SPATA17: variants seen among roughly 807,000 people sequenced by gnomAD.
SPATA17 encodes the protein spermatogenesis-associated protein 17.
In SPATA17, 53 loss-of-function variants were observed where a neutral mutation model predicts 62.2. The observed-to-expected ratio is 0.85, with a 90% CI of 0.68 to 1.07. SPATA17 has a LOEUF of 1.07. Among genes scored for constraint, SPATA17 ranks in the 50% least tolerant of loss-of-function variants. The probability of loss-of-function intolerance (pLI) is 0.00; values close to 1 mark genes in which losing one functional copy is unlikely to be tolerated. For synonymous variants in SPATA17, 146 were observed against 146.8 expected, an observed-to-expected ratio of 0.99 and a Z score of 0.04; for missense variants, 466 against 425.5, an observed-to-expected ratio of 1.10 and a Z score of -0.84.
chr1:217,709,931 A>G (rs1671819295), intron 5 of SPATA17, among the ~76,000 whole-genome samples: 1 of 152,188 alleles, frequency 6.6e-6, no homozygotes, highest in Admixed American at 6.5e-5. Context: ...TTTATGTCTG[A>G]GTTTCAAAGA....
intron 6 of SPATA17, among the ~76,000 whole-genome samples, chr1:217,748,128 C>T (rs1204215805): frequency 1.3e-5 from 2 of 151,544 alleles, no homozygotes; most frequent in African/African-American, 4.8e-5. Flanking sequence ...ACAGTGAAAC[C>T]CCGTCTCTAC....
At chr1:217,674,535 A>G (rs2102900271) in intron 4 of SPATA17, among the ~76,000 whole-genome samples, 1 of 152,310 alleles carries the variant, frequency 6.6e-6, no homozygotes, top group East Asian at 1.9e-4. Flanking sequence ...CTGGCCAGCC[A>G]TTCTCAACAC....
In SPATA17 at chr1:217,821,904, G is replaced by T. The variant is rs1571827715; in HGVS notation, c.1005+20054G>T. Among the ~76,000 whole-genome samples the T allele has an allele frequency of 3.3e-5, 5 of 152,184 alleles. No homozygotes were observed. In the South Asian group the frequency reaches 1.0e-3, roughly 32 times the overall value. ...GAGTTCCTAGAAATGGGAATAACAG[G>T]TTAAATGAGTGGCTCTCTACAAGGG... On this transcript the variant is annotated intron_variant, in intron 9 of 10. Transcript: ENST00000366933.
intron 6 of SPATA17, among the ~76,000 whole-genome samples, chr1:217,771,073 C>T (rs1673433926): frequency 7.3e-6 from 1 of 136,278 alleles, no homozygotes; most frequent in Non-Finnish European, 1.5e-5. Context: ...TCATTTGCCA[C>T]ATTCACCACT....
rs866071595 is a variant in SPATA17, at chr1:217,690,646, C to G, written c.395+7285C>G. 4.9e-5 allele frequency among the ~76,000 whole-genome samples: 5 copies of G among 101,076 alleles called. No individual in the cohort carries two copies. The East Asian group carries it at 1.4e-3, about 29-fold the overall frequency. The allele number at this position is 101,076 out of a possible 152,430, so 66.3% of individuals were successfully genotyped here. ...CAATGCTATCCCTCCCCCCTCCCCC[C>G]ACCCCACCACAGTCCCCAGAGTGTG... On this transcript the variant is annotated intron_variant, in intron 5 of 10. Coordinates refer to ENST00000366933, the MANE Select transcript of SPATA17 (RefSeq NM_138796.4).
chr1:217,786,750 T>TTCTTCTTCTTCTTCTTCTTCTTCTTC (rs1553252152), intron 8 of SPATA17, among the ~76,000 whole-genome samples: 3 of 107,436 alleles, frequency 2.8e-5, no homozygotes, highest in Non-Finnish European at 3.8e-5. Flanking sequence ...TGATATTCTC[T>TTCTTCTTCTTCTTCTTCTTCTTCTTC]TTCTTCTTCT....
chr1:217,648,855 A>G, intron 1 of SPATA17, 27 bp from the exon 2 acceptor site: 4 of 1,461,416 alleles, frequency 2.7e-6, no homozygotes, highest in Non-Finnish European at 3.8e-6. Flanking sequence ...GTTACTAATG[A>G]AGTGCTTTTT....
chr1:217,723,299 C>T (rs1456645790), intron 5 of SPATA17, among the ~76,000 whole-genome samples: 2 of 152,132 alleles, frequency 1.3e-5, no homozygotes, highest in African/African-American at 4.8e-5. Context: ...ACCATGAATA[C>T]ATGTGTTGGG....
chr1:217,644,305 G>T (rs1206795613), intron 1 of SPATA17, among the ~76,000 whole-genome samples: 1 of 152,152 alleles, frequency 6.6e-6, no homozygotes, highest in East Asian at 1.9e-4. Context: ...GCACATGAGT[G>T]ATAATCAGAA....
At chr1:217,754,041 G>T (rs564717255) in intron 6 of SPATA17, among the ~76,000 whole-genome samples, 2 of 152,168 alleles carry the variant, frequency 1.3e-5, no homozygotes, top group Non-Finnish European at 2.9e-5. Flanking sequence ...TTCAAGACCT[G>T]CCTGGGCAAC....
At chr1:217,685,189 T>C (rs918490859) in intron 5 of SPATA17, among the ~76,000 whole-genome samples, 8 of 152,090 alleles carry the variant, frequency 5.3e-5, no homozygotes, top group Non-Finnish European at 1.2e-4. Flanking sequence ...ACTCTCAGGG[T>C]CACACGATTA....
intron 5 of SPATA17, among the ~76,000 whole-genome samples, chr1:217,735,962 G>A (rs1464490026): frequency 1.3e-5 from 2 of 151,092 alleles, no homozygotes. Flanking sequence ...ATATTTATTA[G>A]GATTATGAGT....
intron 6 of SPATA17, among the ~76,000 whole-genome samples, chr1:217,748,366 AAC>A (rs1272907310): frequency 6.6e-6 from 1 of 152,068 alleles, no homozygotes; most frequent in Non-Finnish European, 1.5e-5. Flanking sequence ...TGATATGAAA[AAC>A]AGTTTTATAA....
At position 217,819,816 on chromosome 1, in the gene SPATA17, G is replaced by A. The variant is rs748351804; in HGVS notation, c.1005+17966G>A. On this transcript the variant is annotated intron_variant, in intron 9 of 10. Coordinates refer to ENST00000366933, the MANE Select transcript of SPATA17 (RefSeq NM_138796.4). ...AATATTATGATGTATGGAGAGATTT[G>A]GATTTAGGCAGCTTCCATTTTCTTA... Among the ~76,000 whole-genome samples the A allele has an allele frequency of 2.6e-5, 4 of 151,814 alleles. No homozygotes were observed. The East Asian group carries it at 7.7e-4, about 29-fold the overall frequency.
At chr1:217,797,992 C>T (rs1311729683) in intron 8 of SPATA17, among the ~76,000 whole-genome samples, 1 of 152,136 alleles carries the variant, frequency 6.6e-6, no homozygotes, top group Non-Finnish European at 1.5e-5. Context: ...CCTGTCCTTC[C>T]AGTGTTGTTA....
At chr1:217,662,268 T>G (rs1411960717) in intron 3 of SPATA17, among the ~76,000 whole-genome samples, 2 of 152,146 alleles carry the variant, frequency 1.3e-5, no homozygotes, top group African/African-American at 2.4e-5. Context: ...ATAATTAGTT[T>G]GATATGAGGT....
chr1:217,852,843 A>G (rs1379533011), intron 9 of SPATA17, among the ~76,000 whole-genome samples: 2 of 152,270 alleles, frequency 1.3e-5, no homozygotes, highest in South Asian at 2.1e-4. Flanking sequence ...TCCTCAAATG[A>G]TACCTCAGAG....
At position 217,720,071 on chromosome 1, in the gene SPATA17, A is replaced by G. The variant is rs77876003; in HGVS notation, c.396-21904A>G. Among the ~76,000 whole-genome samples the G allele has an allele frequency of 8.2e-3, 1,242 of 152,360 alleles. 10 individuals carry two copies. Among genetic ancestry groups the G allele is most frequent in the African/African-American group, 0.027 (1,113 of 41,578 alleles). ...AGCCAAGCCACTGAAGAAAGAAAGC[A>G]GACAATTGGAACCGGAGGAGGGAAG... On this transcript the variant is annotated intron_variant, in intron 5 of 10. Transcript: ENST00000366933.
At chr1:217,658,744 C>A (rs373631039) in intron 3 of SPATA17, among the ~76,000 whole-genome samples, 1 of 151,900 alleles carries the variant, frequency 6.6e-6, no homozygotes, top group East Asian at 1.9e-4. Flanking sequence ...GGCGACAGAG[C>A]GAGACTCTAT....
Sources: gnomAD v4.1 joint callset for allele counts (sites outside exome capture counted in the v4.1 genomes callset) on GRCh38, gnomAD v4.1.1 for gene constraint, MANE v1.5 for transcripts, NCBI Gene and HGNC (gene_info 2026-07-23, HGNC 2026-07-21) for gene names.